CAMK2D: variants seen among roughly 807,000 people sequenced by gnomAD.
CAMK2D encodes calcium/calmodulin dependent protein kinase II delta.
A neutral mutation model predicts 84.0 loss-of-function variants in CAMK2D; 37 were observed. That is an observed-to-expected ratio of 0.44 (90% CI 0.34 to 0.58). The LOEUF (loss-of-function observed/expected upper bound fraction) is 0.58, where lower values mean the gene tolerates loss of function less well. CAMK2D is among the 20% of genes least tolerant of loss of function. CAMK2D has a pLI of 0.02. For synonymous variants in CAMK2D, 202 were observed against 212.5 expected, an observed-to-expected ratio of 0.95 and a Z score of 0.43; for missense variants, 448 against 652.5, an observed-to-expected ratio of 0.69 and a Z score of 3.41.
At chr4:113,519,014 CATAAAA>C (rs906057077) in intron 8 of CAMK2D, among the ~76,000 whole-genome samples, 1 of 151,464 alleles carries the variant, frequency 6.6e-6, no homozygotes, top group African/African-American at 2.4e-5. Context: ...ACCTTCATGA[CATAAAA>C]ATAATTTTTC....
chr4:113,504,229 C>G (rs1412965936), intron 14 of CAMK2D, among the ~76,000 whole-genome samples: 1 of 152,086 alleles, frequency 6.6e-6, no homozygotes, highest in East Asian at 1.9e-4. Flanking sequence ...TGTTATGGAA[C>G]TCAGCACTGA....
chr4:113,609,345 C>A, intron 3 of CAMK2D, 139 bp from the exon 4 acceptor site: 2 of 595,738 alleles, frequency 3.4e-6, no homozygotes, highest in Non-Finnish European at 6.2e-6. Flanking sequence ...ACGTCCGTAT[C>A]TTTTACAACA....
At chr4:113,502,459 C>CA (rs201097741) in intron 15 of CAMK2D, among the ~76,000 whole-genome samples, 1,040 of 73,636 alleles carry the variant, frequency 0.014, 8 homozygotes, top group African/African-American at 0.03. Context: ...AACCAAAAAC[C>CA]AAAAAAAAAA....
chr4:113,532,378 T>G (rs1199998456), intron 7 of CAMK2D, among the ~76,000 whole-genome samples: 1 of 152,172 alleles, frequency 6.6e-6, no homozygotes, highest in Admixed American at 6.6e-5. Context: ...ATGTTGCAAT[T>G]TAAGCTTCAA....
At chr4:113,521,395 G>A (rs6533693) in intron 8 of CAMK2D, among the ~76,000 whole-genome samples, 3,709 of 152,188 alleles carry the variant, frequency 0.024, 126 homozygotes, top group African/African-American at 0.084. Flanking sequence ...GTCCTTAATA[G>A]TTTTTCTTTG....
intron 2 of CAMK2D, among the ~76,000 whole-genome samples, chr4:113,709,782 T>TATATATATATATATATATATATATAA (rs1561971636): frequency 7.9e-6 from 1 of 127,274 alleles, no homozygotes; most frequent in African/African-American, 3.1e-5. Flanking sequence ...TATATATATA[T>TATATATATATATATATATATATATAA]GAGAGACTTC....
chr4:113,715,388 A>G (rs2099510292), intron 2 of CAMK2D, among the ~76,000 whole-genome samples: 1 of 152,082 alleles, frequency 6.6e-6, no homozygotes, highest in South Asian at 2.1e-4. Flanking sequence ...AGTTTTTGGT[A>G]GTTACTATTA....
chr4:113,542,452 G>C (rs1014692537), intron 6 of CAMK2D, among the ~76,000 whole-genome samples: 1 of 151,948 alleles, frequency 6.6e-6, no homozygotes, highest in African/African-American at 2.4e-5. Flanking sequence ...GCTGTGGCTC[G>C]TGCGTGTAAT....
intron 2 of CAMK2D, among the ~76,000 whole-genome samples, chr4:113,757,039 A>C (rs2099630060): frequency 6.6e-6 from 1 of 152,096 alleles, no homozygotes; most frequent in African/African-American, 2.4e-5. Context: ...AATTCCCTGA[A>C]TCCTCAGAAC....
chr4:113,597,243 G>A (rs1174483499), intron 4 of CAMK2D, among the ~76,000 whole-genome samples: 1 of 152,206 alleles, frequency 6.6e-6, no homozygotes, highest in Non-Finnish European at 1.5e-5. Flanking sequence ...CTTGTCTCAA[G>A]CTATGAAAGT....
chr4:113,513,012 G>T (rs553834872), intron 12 of CAMK2D: 203 of 159,688 alleles, frequency 1.3e-3, no homozygotes, highest in African/African-American at 4.5e-3. Flanking sequence ...AAATGAGGGA[G>T]TATTTATTTC....
intron 2 of CAMK2D, among the ~76,000 whole-genome samples, chr4:113,692,783 G>C (rs1450591289): frequency 6.6e-6 from 1 of 151,228 alleles, no homozygotes; most frequent in Non-Finnish European, 1.5e-5. Flanking sequence ...ATATATCTGT[G>C]TGTGTGTGTA....
chr4:113,480,795 T>A (rs2097692459), intron 16 of CAMK2D, among the ~76,000 whole-genome samples: 2 of 151,942 alleles, frequency 1.3e-5, no homozygotes. Context: ...GAGCTGAGAT[T>A]GTGCCACTGC....
At chr4:113,520,716 A>G (rs2098345136) in intron 8 of CAMK2D, among the ~76,000 whole-genome samples, 1 of 152,074 alleles carries the variant, frequency 6.6e-6, no homozygotes, top group Non-Finnish European at 1.5e-5. Flanking sequence ...TACTGCCTAC[A>G]TAATTTTACT....
At chr4:113,682,554 G>GA in intron 2 of CAMK2D, among the ~76,000 whole-genome samples, 1 of 151,936 alleles carries the variant, frequency 6.6e-6, no homozygotes, top group East Asian at 1.9e-4. Flanking sequence ...GTTCAAGACT[G>GA]AAAAAAACTG....
At chr4:113,726,304 A>G (rs1440898052) in intron 2 of CAMK2D, among the ~76,000 whole-genome samples, 1 of 151,480 alleles carries the variant, frequency 6.6e-6, no homozygotes, top group African/African-American at 2.4e-5. Flanking sequence ...GACTTAGAAA[A>G]TGCAACTCTA....
rs1009301398 is a variant in CAMK2D, at chr4:113,761,594, G to A, written c.-526C>T. 11 of 985,098 alleles carry A rather than the reference G, an allele frequency of 1.1e-5. No individual in the cohort carries two copies. The highest frequency in any genetic ancestry group is 1.7e-5 in the African/African-American group (1 of 57,312). 61.0% of individuals were successfully genotyped at this position (985,098 alleles called of 1,614,324 possible). A position where few individuals can be genotyped will look rare whatever the true frequency, so the allele number is the denominator to read the frequency against. On this transcript the variant is annotated 5_prime_UTR_variant, in exon 1 of 21. Coordinates refer to ENST00000511664, the MANE Select transcript of CAMK2D (RefSeq NM_001321571.2). The stretch of plus-strand genomic sequence containing the variant: ...CCGCTGTCAGCAGGCTCAGGCGCGG[G>A]GCGCGCCGGGGCTCCGACGAGCGTG...
chr4:113,687,853 C>G (rs1401416074), intron 2 of CAMK2D, among the ~76,000 whole-genome samples: 1 of 152,140 alleles, frequency 6.6e-6, no homozygotes. Flanking sequence ...CTTCTTGGTT[C>G]AATCATCACA....
At chr4:113,571,644 C>A (rs376998901) in intron 4 of CAMK2D, among the ~76,000 whole-genome samples, 1 of 152,080 alleles carries the variant, frequency 6.6e-6, no homozygotes, top group Admixed American at 6.6e-5. Context: ...GAGGCCGAGG[C>A]GGGTGGATCA....
Sources: allele counts gnomAD v4.1 joint callset (sites outside exome capture counted in the v4.1 genomes callset), GRCh38; gene constraint gnomAD v4.1.1; transcripts MANE v1.5; gene names NCBI Gene and HGNC (gene_info 2026-07-23, HGNC 2026-07-21).